Variants in GAB2 observed in about 807,000 individuals in gnomAD.
GAB2 encodes GRB2-associated-binding protein 2.
A neutral mutation model predicts 65.5 loss-of-function variants in GAB2; 26 were observed. That is an observed-to-expected ratio of 0.40 (90% confidence interval 0.29 to 0.55). The LOEUF is 0.55. Among genes scored for constraint, GAB2 ranks in the 20% least tolerant of loss-of-function variants. The pLI is 0.53. For missense variants in GAB2, 884 were observed against 875.8 expected (o/e 1.01, Z -0.12); for synonymous variants, 321 against 329.6 (o/e 0.97, Z 0.28).
rs114466396 is a variant in GAB2 at position 78,220,272 on chromosome 11, C to T, written c.1887+47G>A. 900 of 1,607,340 alleles carry T rather than the reference C, an allele frequency of 5.6e-4. 2 individuals carry two copies. Among genetic ancestry groups the T allele is most frequent in the South Asian group, 2.8e-3 (252 of 90,560 alleles). Reference sequence around the variant, plus strand: ...CCCTGGCCTCCATGATCTCTGCCTCCGGGACCCTGAGAGCTCTTACTGCCC... The same window carrying T: ...CCCTGGCCTCCATGATCTCTGCCTCTGGGACCCTGAGAGCTCTTACTGCCC... On this transcript the variant is annotated intron_variant, in intron 9 of 9. Transcript: ENST00000361507.
At chr11:78,298,559 C>T (rs1422633959) in intron 1 of GAB2, among the ~76,000 whole-genome samples, 2 of 152,298 alleles carry the variant, frequency 1.3e-5, no homozygotes, top group South Asian at 2.1e-4. Context: ...CCCCAAAGAC[C>T]AGGTCAACCT....
intron 4 of GAB2, 91 bp from the exon 5 acceptor site, chr11:78,225,293 C>T: frequency 1.3e-6 from 1 of 798,196 alleles, no homozygotes. Flanking sequence ...CAAGGTCTTA[C>T]TGATACTCCA....
intron 1 of GAB2, among the ~76,000 whole-genome samples, chr11:78,355,698 A>AAAAAAAAAAC: frequency 6.6e-6 from 1 of 151,434 alleles, no homozygotes; most frequent in Non-Finnish European, 1.5e-5. Context: ...AAAAAAAAAA[A>AAAAAAAAAAC]AAAAAAGACC....
rs1864537018 is a variant in GAB2, at chr11:78,223,689, A to G, written c.1303-13T>C. On this transcript the variant is annotated splice_polypyrimidine_tract_variant and intron_variant, in intron 5 of 9. Coordinates refer to ENST00000361507, the MANE Select transcript of GAB2 (RefSeq NM_080491.3). ...TCATTTTCCCTGGCTAGGGAGAGGA[A>G]CAGTGAAAGAAATACAGCTGTTACT... 1 of 1,573,876 alleles carries G rather than the reference A, an allele frequency of 6.4e-7. No homozygotes were observed. The highest frequency in any genetic ancestry group is 1.4e-5 in the African/African-American group (1 of 73,634).
intron 3 of GAB2, among the ~76,000 whole-genome samples, chr11:78,232,246 T>C (rs1257287990): frequency 6.6e-6 from 1 of 152,216 alleles, no homozygotes; most frequent in Admixed American, 6.5e-5. Flanking sequence ...TTCTATAGAC[T>C]ACTGCTGCAG....
In GAB2 at chr11:78,266,405, G is replaced by A. The variant is rs1865876929; in HGVS notation, c.376+14196C>T. ...CAATAAACTGTCTCCAGCTCTCTAGGCCTTGGGGCACTTAAAATAGCAGCC... is the reference window on the plus strand; with the variant it reads ...CAATAAACTGTCTCCAGCTCTCTAGACCTTGGGGCACTTAAAATAGCAGCC... On this transcript the variant is annotated intron_variant, in intron 2 of 9. Transcript: ENST00000361507. Among the ~76,000 whole-genome samples the A allele has an allele frequency of 1.3e-5, 2 of 151,894 alleles. 1 individual carries two copies. Among genetic ancestry groups the A allele is most frequent in the South Asian group, 4.2e-4 (2 of 4,792 alleles).
chr11:78,342,880 T>C (rs1856122127), intron 1 of GAB2, among the ~76,000 whole-genome samples: 2 of 152,308 alleles, frequency 1.3e-5, no homozygotes, highest in Admixed American at 1.3e-4. Flanking sequence ...AATAAAATAC[T>C]ACTTTCAATG....
At chr11:78,412,927 A>G (rs1428279822) in intron 1 of GAB2, among the ~76,000 whole-genome samples, 2 of 152,216 alleles carry the variant, frequency 1.3e-5, no homozygotes, top group Non-Finnish European at 2.9e-5. Context: ...AGCGTATAAC[A>G]AGATATTTAG....
intron 1 of GAB2, among the ~76,000 whole-genome samples, chr11:78,284,440 G>C (rs1472682215): frequency 6.6e-6 from 1 of 152,206 alleles, no homozygotes; most frequent in African/African-American, 2.4e-5. Flanking sequence ...TGGCCTACAG[G>C]CCTGATGGGA....
intron 1 of GAB2, among the ~76,000 whole-genome samples, chr11:78,343,919 A>T (rs1344914071): frequency 1.3e-5 from 2 of 152,168 alleles, no homozygotes; most frequent in African/African-American, 2.4e-5. Context: ...GATTTCAAGT[A>T]CTCAACAGAC....
intron 1 of GAB2, among the ~76,000 whole-genome samples, chr11:78,310,051 G>A (rs1036672076): frequency 2.0e-5 from 3 of 151,808 alleles, no homozygotes; most frequent in Non-Finnish European, 2.9e-5. Context: ...AGGCATTAGA[G>A]GGCAGAGGAC....
intron 1 of GAB2, among the ~76,000 whole-genome samples, chr11:78,311,737 A>G (rs1157011658): frequency 6.6e-6 from 1 of 152,156 alleles, no homozygotes; most frequent in Non-Finnish European, 1.5e-5. Flanking sequence ...AATACATAAG[A>G]TACAATTAGT....
rs199687288 is a variant in GAB2 at position 78,220,301 on chromosome 11, C to G, written c.1887+18G>C. On this transcript the variant is annotated intron_variant, in intron 9 of 9. Coordinates refer to ENST00000361507, the MANE Select transcript of GAB2 (RefSeq NM_080491.3). ...ACCCTGAGAGCTCTTACTGCCCCCC[C>G]AACTCTACTCCAGGCACCTTGCGGT... The G allele has an allele frequency of 1.2e-6, 2 of 1,611,668 alleles. No homozygotes were observed. The highest frequency in any genetic ancestry group is 1.7e-6 in the Non-Finnish European group (2 of 1,179,706).
At chr11:78,276,113 A>AAAAG (rs1266765521) in intron 2 of GAB2, among the ~76,000 whole-genome samples, 1 of 146,822 alleles carries the variant, frequency 6.8e-6, no homozygotes, top group Non-Finnish European at 1.5e-5. Flanking sequence ...GACTGTCTCA[A>AAAAG]AAAAAAAAAA....
chr11:78,290,473 C>A (rs1171047935), intron 1 of GAB2, among the ~76,000 whole-genome samples: 1 of 152,184 alleles, frequency 6.6e-6, no homozygotes, highest in African/African-American at 2.4e-5. Context: ...GTCACATGAA[C>A]CTGTCTCTAT....
intron 1 of GAB2, among the ~76,000 whole-genome samples, chr11:78,402,642 G>A (rs1032080996): frequency 1.3e-5 from 2 of 148,266 alleles, no homozygotes; most frequent in African/African-American, 5.0e-5. Context: ...TTTTGGTAGA[G>A]ATGGGATTTC....
intron 1 of GAB2, among the ~76,000 whole-genome samples, chr11:78,286,442 C>T (rs1304170763): frequency 6.6e-6 from 1 of 152,040 alleles, no homozygotes; most frequent in South Asian, 2.1e-4. Flanking sequence ...TTTGACATTT[C>T]TACTCCCTGC....
chr11:78,318,369 C>CAAAAAAAGAAAAAAAAAAAAAA (rs1855654629), intron 1 of GAB2: 2 of 47,676 alleles, frequency 4.2e-5, no homozygotes, highest in Non-Finnish European at 4.0e-5. Flanking sequence ...TGTTAAATGC[C>CAAAAAAAGAAAAAAAAAAAAAA]AAAAAAAAAA....
intron 3 of GAB2, among the ~76,000 whole-genome samples, chr11:78,235,525 T>C (rs1029495426): frequency 1.3e-5 from 2 of 152,132 alleles, no homozygotes; most frequent in East Asian, 1.9e-4. Flanking sequence ...CCTTATAAAA[T>C]TGAATGCCTT....
Sources: allele counts gnomAD v4.1 joint callset (sites outside exome capture counted in the v4.1 genomes callset), GRCh38; gene constraint gnomAD v4.1.1; transcripts MANE v1.5; gene names NCBI Gene and HGNC (gene_info 2026-07-23, HGNC 2026-07-21).